Variants in TRPM3 observed in about 807,000 individuals in gnomAD.
The protein encoded by TRPM3 is long transient receptor potential channel 3.
TRPM3 carries 77 observed loss-of-function variants against 181.2 expected under a neutral mutation model. The observed-to-expected ratio is 0.42, with a 90% CI of 0.35 to 0.51. The LOEUF is 0.51. Ranked by LOEUF, TRPM3 falls within the 20% of genes least tolerant of loss-of-function variation. TRPM3 has a pLI of 0.01. For missense variants in TRPM3, 1,759 were observed against 2,196.7 expected (o/e 0.80, Z 3.98); for synonymous variants, 745 against 796.4 (o/e 0.94, Z 1.09).
chr9:71,219,531 A>G (rs2080103674), intron 1 of TRPM3, among the ~76,000 whole-genome samples: 1 of 152,252 alleles, frequency 6.6e-6, no homozygotes, highest in African/African-American at 2.4e-5. Flanking sequence ...CTCAGAAAAC[A>G]GAAACTGTTG....
At chr9:70,880,746 C>T (rs1157686808) in intron 1 of TRPM3, among the ~76,000 whole-genome samples, 1 of 152,144 alleles carries the variant, frequency 6.6e-6, no homozygotes, top group African/African-American at 2.4e-5. Context: ...ATAGCTTCCT[C>T]ATGACAGTGT....
chr9:70,661,042 A>G (rs760466051), intron 9 of TRPM3, among the ~76,000 whole-genome samples: 6 of 152,196 alleles, frequency 3.9e-5, no homozygotes, highest in African/African-American at 4.8e-5. Flanking sequence ...TCAACAAAAT[A>G]CTAGTGAACT....
At chr9:70,869,312 T>G (rs1444509480) in intron 1 of TRPM3, among the ~76,000 whole-genome samples, 1 of 151,934 alleles carries the variant, frequency 6.6e-6, no homozygotes, top group African/African-American at 2.4e-5. Context: ...AGATCGGATT[T>G]AACTGGCACA....
intron 1 of TRPM3, among the ~76,000 whole-genome samples, chr9:71,226,138 T>C (rs980801454): frequency 1.8e-5 from 1 of 55,820 alleles, no homozygotes; most frequent in African/African-American, 4.2e-5. Flanking sequence ...TATAAAATAT[T>C]ATTTGCAAGC....
intron 1 of TRPM3, among the ~76,000 whole-genome samples, chr9:71,190,793 A>T (rs1351763861): frequency 1.3e-5 from 2 of 151,654 alleles, no homozygotes; most frequent in Non-Finnish European, 2.9e-5. Flanking sequence ...TTACATAACC[A>T]CTCTGATCAT....
At chr9:71,301,804 A>G (rs1019045888) in intron 1 of TRPM3, among the ~76,000 whole-genome samples, 1 of 152,178 alleles carries the variant, frequency 6.6e-6, no homozygotes, top group Admixed American at 6.5e-5. Context: ...TCTACCTAAT[A>G]GGTACTAAAT....
At position 71,017,785 on chromosome 9, in the gene TRPM3, G is replaced by A. The variant is rs148662101; in HGVS notation, c.177+103393C>T. 2.0e-5 allele frequency among the ~76,000 whole-genome samples: 3 copies of A among 151,696 alleles called. No homozygotes were observed. The East Asian group carries it at 5.8e-4, about 29-fold the overall frequency. On this transcript the variant is annotated intron_variant, in intron 1 of 25. Coordinates refer to ENST00000677713, the MANE Select transcript of TRPM3 (RefSeq NM_001366145.2). The stretch of plus-strand genomic sequence containing the variant: ...ACCTTTCTCGAAACTGATAGAATAC[G>A]CAGGAAAAATGTCACAAAAAACATA...
In TRPM3 at chr9:70,640,643, G is replaced by C. The variant is rs1188161943; in HGVS notation, c.1363C>G (p.Pro455Ala). Residue 455 changes from proline to alanine, a missense_variant, in exon 10 of 26, where the codon CCA becomes GCA. Pro to Ala is a conservative substitution (Grantham distance 27, BLOSUM62 -1). Around this residue, in one of 8 missense-constraint regions of TRPM3, gnomAD observed 737 missense variants for 957.4 expected, o/e 0.77. Coordinates refer to ENST00000677713, the MANE Select transcript of TRPM3 (RefSeq NM_001366145.2). ...ALLKGANASA[P>A]DQLSLALAWN... ...GCTAAAGCTAAGCTCAGTTGGTCTG[G>C]GGCCGAGGCATTGGCTCCTGTGTGA... The C allele has an allele frequency of 9.9e-6, 16 of 1,613,388 alleles. No homozygotes were observed. The highest frequency in any genetic ancestry group is 1.4e-5 in the Non-Finnish European group (16 of 1,179,728).
intron 1 of TRPM3, among the ~76,000 whole-genome samples, chr9:71,431,899 A>C (rs2093959825): frequency 1.3e-5 from 2 of 152,196 alleles, no homozygotes; most frequent in Non-Finnish European, 2.9e-5. Context: ...CAGGATTTTC[A>C]TTATGCTCTT....
intron 1 of TRPM3, among the ~76,000 whole-genome samples, chr9:71,387,444 C>G (rs2092952424): frequency 6.6e-6 from 1 of 152,136 alleles, no homozygotes; most frequent in Non-Finnish European, 1.5e-5. Context: ...CACATCTTAA[C>G]TTATACCAAC....
intron 1 of TRPM3, among the ~76,000 whole-genome samples, chr9:71,183,206 T>C (rs907840528): frequency 2.6e-5 from 4 of 152,156 alleles, no homozygotes; most frequent in Admixed American, 6.6e-5. Context: ...GTGTGTGTCC[T>C]ACTGGATCCG....
At chr9:71,005,647 A>AG (rs1554797384) in intron 1 of TRPM3, among the ~76,000 whole-genome samples, 1 of 152,204 alleles carries the variant, frequency 6.6e-6, no homozygotes, top group Non-Finnish European at 1.5e-5. Flanking sequence ...GGAAAAAAAA[A>AG]CTGTCAACCA....
intron 1 of TRPM3, among the ~76,000 whole-genome samples, chr9:71,406,525 C>T (rs2093438218): frequency 1.3e-5 from 2 of 152,034 alleles, no homozygotes; most frequent in African/African-American, 4.8e-5. Flanking sequence ...AAAACACACC[C>T]CATCCACACA....
chr9:70,699,606 G>A (rs2071741115), intron 8 of TRPM3, among the ~76,000 whole-genome samples: 2 of 152,168 alleles, frequency 1.3e-5, no homozygotes. Flanking sequence ...AATCCTGTGA[G>A]GCTCAGAGAT....
At chr9:71,172,494 C>T (rs1470823930) in intron 1 of TRPM3, among the ~76,000 whole-genome samples, 1 of 150,700 alleles carries the variant, frequency 6.6e-6, no homozygotes. Flanking sequence ...CAGCCTCAAC[C>T]TCTCTGGGCT....
chr9:71,168,555 T>G (rs374980123), intron 1 of TRPM3, among the ~76,000 whole-genome samples: 63,499 of 106,874 alleles, frequency 0.59, 20,314 homozygotes, highest in Non-Finnish European at 0.61. Flanking sequence ...TTTATTTATT[T>G]ATTTATTTAT....
At chr9:71,243,909 T>C (rs1194859857) in intron 1 of TRPM3, among the ~76,000 whole-genome samples, 3 of 128,094 alleles carry the variant, frequency 2.3e-5, no homozygotes, top group South Asian at 2.7e-4. Context: ...CATAGAAACA[T>C]ATAAGATCAT....
intron 1 of TRPM3, 27 bp from the exon 2 acceptor site, chr9:70,864,538 A>AAAAAAAAAAG (rs375135324): frequency 3.5e-6 from 5 of 1,433,876 alleles, no homozygotes; most frequent in South Asian, 3.1e-5. Context: ...AAAAAAAAAA[A>AAAAAAAAAAG]AAAGAAAAAA....
At position 70,634,672 on chromosome 9, in the gene TRPM3, A is replaced by AT. The variant is rs554156765; in HGVS notation, c.1632+538dup. Among the ~76,000 whole-genome samples the AT allele has an allele frequency of 2.0e-3, 311 of 152,194 alleles. 2 individuals carry two copies. Among genetic ancestry groups the AT allele is most frequent in the Middle Eastern group, 3.4e-3 (1 of 294 alleles). Reference sequence around the variant, plus strand: ...TTCTACCCGATCCATACCTACCAACATTTTTTTCCCATCTAATGAGATGAA... The same window carrying AT: ...TTCTACCCGATCCATACCTACCAACATTTTTTTTCCCATCTAATGAGATGAA... On this transcript the variant is annotated intron_variant, in intron 12 of 25. Coordinates refer to ENST00000677713, the MANE Select transcript of TRPM3 (RefSeq NM_001366145.2).
Sources: gnomAD v4.1 joint callset for allele counts (sites outside exome capture counted in the v4.1 genomes callset) on GRCh38, gnomAD v4.1.1 for gene constraint, gnomAD v4.1.1 regional missense constraint, MANE v1.5 for transcripts, NCBI Gene and HGNC (gene_info 2026-07-23, HGNC 2026-07-21) for gene names.